CEP170: variants seen among roughly 807,000 people sequenced by gnomAD.
The protein encoded by CEP170 is centrosomal protein of 170 kDa.
A neutral mutation model predicts 151.9 loss-of-function variants in CEP170; 21 were observed. The ratio of observed to expected loss-of-function variants is 0.14; its 90% CI spans 0.10 to 0.20. CEP170 has a LOEUF of 0.20. Ranked by LOEUF, CEP170 falls within the 10% of genes least tolerant of loss-of-function variation. The pLI, the probability that CEP170 is intolerant of heterozygous loss-of-function variation, is 1.00. For synonymous variants in CEP170, 356 were observed against 648.8 expected, an observed-to-expected ratio of 0.55 and a Z score of 6.86; for missense variants, 964 against 1,892.9, an observed-to-expected ratio of 0.51 and a Z score of 9.11.
At chr1:243,196,439 A>G (rs2148806160) in intron 7 of CEP170, among the ~76,000 whole-genome samples, 1 of 152,246 alleles carries the variant, frequency 6.6e-6, no homozygotes, top group Non-Finnish European at 1.5e-5. Flanking sequence ...AGCACTCAGA[A>G]GAATGTTGGA....
intron 1 of CEP170, among the ~76,000 whole-genome samples, chr1:243,250,193 T>G (rs2065813186): frequency 6.6e-6 from 1 of 152,252 alleles, no homozygotes; most frequent in Non-Finnish European, 1.5e-5. Context: ...TTATGTAACA[T>G]TCATTCTATT....
intron 2 of CEP170, among the ~76,000 whole-genome samples, chr1:243,224,906 T>C (rs943109611): frequency 1.3e-5 from 2 of 152,194 alleles, no homozygotes; most frequent in Admixed American, 1.3e-4. Context: ...ATTTTTGCAA[T>C]GTCTTATTTT....
intron 11 of CEP170, among the ~76,000 whole-genome samples, chr1:243,170,755 C>T (rs1284641518): frequency 6.6e-6 from 1 of 152,238 alleles, no homozygotes; most frequent in African/African-American, 2.4e-5. Flanking sequence ...GATGGCACCA[C>T]TGCACTCCAG....
rs2059053292 is a variant in CEP170 at position 243,173,983 on chromosome 1, CATAGTAG to C, written c.1567-1144_1567-1138del. Among the ~76,000 whole-genome samples the C allele has an allele frequency of 2.0e-5, 3 of 152,290 alleles. No homozygotes were observed. In the South Asian group the frequency reaches 6.2e-4, roughly 32 times the overall value. ...ATGCCATTTTATTGTATAATTGCGA[CATAGTAG>C]ATAGCATAATTCTCAAACTGTATTT... On this transcript the variant is annotated intron_variant, in intron 10 of 19. Transcript: ENST00000366542.
chr1:243,159,605 T>C (rs1025896904), intron 13 of CEP170, among the ~76,000 whole-genome samples: 4 of 152,124 alleles, frequency 2.6e-5, no homozygotes, highest in African/African-American at 7.2e-5. Flanking sequence ...GCCTTTGACA[T>C]GAGTCTAAAT....
At chr1:243,232,974 T>C (rs533419737) in intron 1 of CEP170, among the ~76,000 whole-genome samples, 4 of 152,354 alleles carry the variant, frequency 2.6e-5, no homozygotes, top group African/African-American at 9.6e-5. Flanking sequence ...GCTACAAGTC[T>C]TGAAGTGAGG....
chr1:243,251,772 T>C (rs2065961147), intron 1 of CEP170, among the ~76,000 whole-genome samples: 1 of 152,184 alleles, frequency 6.6e-6, no homozygotes, highest in Non-Finnish European at 1.5e-5. Context: ...CTGCAATTCC[T>C]GTTTGTATGT....
intron 1 of CEP170, among the ~76,000 whole-genome samples, chr1:243,239,193 C>G (rs866679353): frequency 6.6e-6 from 1 of 152,184 alleles, no homozygotes; most frequent in African/African-American, 2.4e-5. Context: ...CAGAAAGAAC[C>G]CTTTCATCTA....
chr1:243,192,165 C>T (rs145451020), intron 7 of CEP170, among the ~76,000 whole-genome samples: 11,666 of 151,892 alleles, frequency 0.077, 1,013 homozygotes, highest in African/African-American at 0.2. Flanking sequence ...GCAGTGTGAA[C>T]GAAATAAGGT....
intron 1 of CEP170, among the ~76,000 whole-genome samples, chr1:243,238,374 G>A (rs185055739): frequency 3.3e-4 from 50 of 152,214 alleles, no homozygotes; most frequent in South Asian, 1.4e-3. Flanking sequence ...TAGGAAGATC[G>A]CTTGGGCCCA....
intron 1 of CEP170, among the ~76,000 whole-genome samples, chr1:243,237,234 C>T (rs1027952883): frequency 2.6e-5 from 4 of 152,018 alleles, no homozygotes; most frequent in Non-Finnish European, 4.4e-5. Flanking sequence ...TTATAAATAT[C>T]TCTATACCAG....
At chr1:243,240,263 T>G (rs1377159170) in intron 1 of CEP170, among the ~76,000 whole-genome samples, 1 of 152,086 alleles carries the variant, frequency 6.6e-6, no homozygotes, top group African/African-American at 2.4e-5. Flanking sequence ...TGAGCTGAGA[T>G]CACGCCATTG....
intron 15 of CEP170, among the ~76,000 whole-genome samples, chr1:243,141,824 A>C (rs1357548151): frequency 6.6e-6 from 1 of 152,180 alleles, no homozygotes; most frequent in Non-Finnish European, 1.5e-5. Flanking sequence ...ATGTATTTCA[A>C]TTTTTCAAAA....
At chr1:243,131,075 A>G (rs2054347131) in intron 17 of CEP170, among the ~76,000 whole-genome samples, 2 of 152,280 alleles carry the variant, frequency 1.3e-5, no homozygotes, top group Middle Eastern at 3.4e-3. Flanking sequence ...GCTACTGAGT[A>G]TAGTGTTTGT....
At chr1:243,202,707 T>TTAAATA (rs2061135816) in intron 4 of CEP170, among the ~76,000 whole-genome samples, 1 of 152,038 alleles carries the variant, frequency 6.6e-6, no homozygotes, top group Non-Finnish European at 1.5e-5. Context: ...AAACTTTGCT[T>TTAAATA]TAAATATAAT....
intron 1 of CEP170, among the ~76,000 whole-genome samples, chr1:243,238,278 T>A (rs967554104): frequency 2.0e-5 from 3 of 152,060 alleles, no homozygotes; most frequent in African/African-American, 7.2e-5. Flanking sequence ...AGTGACACCC[T>A]GTCTCTACAA....
At chr1:243,253,355 G>A (rs1013007248) in intron 1 of CEP170, 7 of 152,190 alleles carry the variant, frequency 4.6e-5, no homozygotes, top group African/African-American at 1.4e-4. Flanking sequence ...CAAGGTAAAA[G>A]GGCTAGGGGG....
intron 16 of CEP170, among the ~76,000 whole-genome samples, chr1:243,139,477 G>C (rs2055563674): frequency 6.6e-6 from 1 of 151,772 alleles, no homozygotes; most frequent in Admixed American, 6.6e-5. Context: ...TGTATGTTTT[G>C]CAAAAGTTTG....
At chr1:243,233,719 C>G (rs1476772559) in intron 1 of CEP170, among the ~76,000 whole-genome samples, 1 of 101,804 alleles carries the variant, frequency 9.8e-6, no homozygotes, top group South Asian at 3.5e-4. Context: ...GGCAACAGAG[C>G]AAGACTCCAT....
Sources: gnomAD v4.1 joint callset for allele counts (sites outside exome capture counted in the v4.1 genomes callset) on GRCh38, gnomAD v4.1.1 for gene constraint, MANE v1.5 for transcripts, NCBI Gene and HGNC (gene_info 2026-07-23, HGNC 2026-07-21) for gene names.